Variants in PTPRN2 observed in about 807,000 individuals in gnomAD.
PTPRN2 encodes the protein protein tyrosine phosphatase receptor type N2.
Under a neutral mutation model 118.8 loss-of-function variants are expected in PTPRN2, and 74 were observed. The observed-to-expected ratio is 0.62, with a 90% CI of 0.52 to 0.76. PTPRN2 has a LOEUF of 0.76. Ranked by LOEUF, PTPRN2 falls within the 30% of genes least tolerant of loss-of-function variation. The pLI is 0.00. For synonymous variants in PTPRN2, 641 were observed against 608.0 expected (o/e 1.05, Z -0.80); for missense variants, 1,481 against 1,394.4 (o/e 1.06, Z -0.99).
intron 3 of PTPRN2, among the ~76,000 whole-genome samples, chr7:158,225,926 G>T (rs1828737340): frequency 6.6e-6 from 1 of 151,606 alleles, no homozygotes; most frequent in South Asian, 2.1e-4. Flanking sequence ...GAGGGGAGTT[G>T]CATAGTCACA....
chr7:158,054,043 C>CTAGAGATG (rs1337010115), intron 11 of PTPRN2, among the ~76,000 whole-genome samples: 76 of 151,650 alleles, frequency 5.0e-4, no homozygotes, highest in African/African-American at 1.7e-3. Context: ...TGCAGAGACC[C>CTAGAGATG]CAGAGATGCA....
intron 17 of PTPRN2, among the ~76,000 whole-genome samples, chr7:157,581,273 C>T (rs985287206): frequency 6.6e-6 from 1 of 152,246 alleles, no homozygotes; most frequent in Non-Finnish European, 1.5e-5. Flanking sequence ...ACGGCTGGCA[C>T]CACGCTTTGG....
chr7:158,441,552 A>AGTGGTG (rs1477446899), intron 2 of PTPRN2, among the ~76,000 whole-genome samples: 5 of 128,194 alleles, frequency 3.9e-5, no homozygotes, highest in African/African-American at 9.5e-5. Context: ...TGGTGATGGC[A>AGTGGTG]GTGATAGTGA....
intron 11 of PTPRN2, among the ~76,000 whole-genome samples, chr7:158,070,663 C>T (rs1300928698): frequency 1.9e-5 from 2 of 105,768 alleles, no homozygotes; most frequent in African/African-American, 8.7e-5. Flanking sequence ...TGGAGGTGCT[C>T]CTGGTGGTGG....
At position 157,585,306 on chromosome 7, in the gene PTPRN2, A is replaced by G. The variant is rs1168841637; in HGVS notation, c.2497-7166T>C. Among the ~76,000 whole-genome samples, 1 of 152,066 alleles carries G rather than the reference A, an allele frequency of 6.6e-6. No individual in the cohort carries two copies. Among genetic ancestry groups the G allele is most frequent in the Non-Finnish European group, 1.5e-5 (1 of 68,002 alleles). ...GAGGAAGGGGAAGCCTCAGAACACC[A>G]GCAGTATTGCTGCCCAGGAGGAAGG... On this transcript the variant is annotated intron_variant, in intron 17 of 22. Transcript: ENST00000389418. This position sits in a 1 kb window ranked among gnomAD's most constrained non-coding sequence, Gnocchi z 5.2.
Position 157,622,772 on chromosome 7 carries a change from G to A in PTPRN2, c.2197-1263C>T, listed in dbSNP as rs1007092913. On this transcript the variant is annotated intron_variant, in intron 14 of 22. Transcript: ENST00000389418. The surrounding 1 kb of genome is among the most constrained non-coding windows in gnomAD (Gnocchi z 5.3). ...GCACTCTAAGGCCGTCTGTTGGGAG[G>A]TCCCAGGTTGTCACTGTCACCCCCA... Among the ~76,000 whole-genome samples, 5 of 152,182 alleles carry A rather than the reference G, an allele frequency of 3.3e-5. No individual in the cohort carries two copies. Among genetic ancestry groups the A allele is most frequent in the Non-Finnish European group, 7.3e-5 (5 of 68,032 alleles).
At chr7:157,993,297 AT>A (rs906419698) in intron 11 of PTPRN2, among the ~76,000 whole-genome samples, 1 of 151,254 alleles carries the variant, frequency 6.6e-6, no homozygotes, top group Non-Finnish European at 1.5e-5. Context: ...AGGAAAATAG[AT>A]TTTTTCCTAG....
chr7:157,575,963 C>G (rs77538452), intron 19 of PTPRN2, among the ~76,000 whole-genome samples: 1 of 152,162 alleles, frequency 6.6e-6, no homozygotes, highest in African/African-American at 2.4e-5. Context: ...GACTGTTTAC[C>G]ACAATCAAAG....
chr7:157,993,390 C>T (rs1292236005), intron 11 of PTPRN2, among the ~76,000 whole-genome samples: 1 of 151,912 alleles, frequency 6.6e-6, no homozygotes, highest in Non-Finnish European at 1.5e-5. Flanking sequence ...ACGGGGACAT[C>T]CCGTACCTGG....
At chr7:157,925,867 C>T (rs778433084) in intron 11 of PTPRN2, among the ~76,000 whole-genome samples, 18 of 152,144 alleles carry the variant, frequency 1.2e-4, no homozygotes, top group South Asian at 4.2e-4. Flanking sequence ...CTCTTCAAAG[C>T]GCGGTGCCTC....
intron 6 of PTPRN2, among the ~76,000 whole-genome samples, chr7:158,166,523 G>A (rs200797460): frequency 5.1e-5 from 6 of 117,270 alleles, no homozygotes; most frequent in Non-Finnish European, 7.5e-5. Flanking sequence ...CCCCCCGGCC[G>A]CCGCGTTCCC....
At chr7:158,188,212 G>GCGATGGGGAAGGCCGCCACGCTCGCCC in intron 5 of PTPRN2, among the ~76,000 whole-genome samples, 1 of 29,444 alleles carries the variant, frequency 3.4e-5, no homozygotes, top group South Asian at 1.3e-3. Context: ...CACGCTCGCC[G>GCGATGGGGAAGGCCGCCACGCTCGCCC]CCTGATGGGG....
chr7:158,271,725 C>T (rs906074495), intron 3 of PTPRN2, among the ~76,000 whole-genome samples: 101 of 152,314 alleles, frequency 6.6e-4, no homozygotes, highest in African/African-American at 2.1e-3. Context: ...CCCACAGATT[C>T]GGTGTCGGTG....
chr7:157,544,208 A>T (rs1342538512), intron 22 of PTPRN2, among the ~76,000 whole-genome samples: 1 of 152,058 alleles, frequency 6.6e-6, no homozygotes, highest in Non-Finnish European at 1.5e-5. Context: ...TACGGAAATG[A>T]ACAGTTTCAA....
rs912261551 is a variant in PTPRN2, at chr7:157,784,551, C to T, written c.1789-101614G>A. ...GGAGAGAAAGCCCTATCCCGCTCGGCCTGACCCTCCTCTCCACAAAGGGCT... is the reference window on the plus strand; with the variant it reads ...GGAGAGAAAGCCCTATCCCGCTCGGTCTGACCCTCCTCTCCACAAAGGGCT... On this transcript the variant is annotated intron_variant, in intron 12 of 22. Transcript: ENST00000389418. The surrounding 1 kb of genome is among the most constrained non-coding windows in gnomAD (Gnocchi z 4.6). Among the ~76,000 whole-genome samples, 1 of 152,192 alleles carries T rather than the reference C, an allele frequency of 6.6e-6. No homozygotes were observed. Among genetic ancestry groups the T allele is most frequent in the African/African-American group, 2.4e-5 (1 of 41,456 alleles).
intron 2 of PTPRN2, among the ~76,000 whole-genome samples, chr7:158,327,199 GCACA>G (rs1208869867): frequency 2.0e-5 from 3 of 147,186 alleles, no homozygotes; most frequent in Admixed American, 6.7e-5. Flanking sequence ...TCTCACACAT[GCACA>G]CATTCTCAAA....
chr7:157,811,952 C>T (rs1806070982), intron 12 of PTPRN2, among the ~76,000 whole-genome samples: 1 of 152,152 alleles, frequency 6.6e-6, no homozygotes, highest in Admixed American at 6.5e-5. Flanking sequence ...GATGGGGTCG[C>T]TGTCTAAGTA....
intron 11 of PTPRN2, among the ~76,000 whole-genome samples, chr7:158,050,203 G>A (rs1474768497): frequency 6.6e-6 from 1 of 152,312 alleles, no homozygotes; most frequent in South Asian, 2.1e-4. Flanking sequence ...ACTTTAAAAA[G>A]AGTGAAAATA....
chr7:158,160,050 T>C (rs1822218035), intron 6 of PTPRN2, among the ~76,000 whole-genome samples: 1 of 152,220 alleles, frequency 6.6e-6, no homozygotes. Context: ...TGCATCCTGC[T>C]GGGTGGAGCT....
Sources: gnomAD v4.1 joint callset for allele counts (sites outside exome capture counted in the v4.1 genomes callset) on GRCh38, gnomAD v4.1.1 for gene constraint, Gnocchi (gnomAD v3.1) non-coding constraint, MANE v1.5 for transcripts, NCBI Gene and HGNC (gene_info 2026-07-23, HGNC 2026-07-21) for gene names.